Variants in PRKN observed in about 807,000 individuals in gnomAD.
PRKN encodes E3 ubiquitin-protein ligase parkin.
PRKN carries 56 observed loss-of-function variants against 59.5 expected under a neutral mutation model. That is an observed-to-expected ratio of 0.94 (90% CI 0.76 to 1.18). The LOEUF is 1.18. Among genes scored for constraint, PRKN ranks in the 50% most tolerant of loss-of-function variants. The pLI, the probability that PRKN is intolerant of heterozygous loss-of-function variation, is 0.00. For missense variants in PRKN, 657 were observed against 596.4 expected, an observed-to-expected ratio of 1.10 and a Z score of -1.06; for synonymous variants, 250 against 222.1, an observed-to-expected ratio of 1.13 and a Z score of -1.12.
chr6:162,136,695 G>A (rs1781574345), intron 4 of PRKN, among the ~76,000 whole-genome samples: 3 of 152,172 alleles, frequency 2.0e-5, no homozygotes, highest in Admixed American at 2.0e-4. Flanking sequence ...TCATCACTGT[G>A]ATCAGCTGAA....
intron 9 of PRKN, among the ~76,000 whole-genome samples, chr6:161,394,903 T>C (rs1480150127): frequency 6.6e-6 from 1 of 152,260 alleles, no homozygotes; most frequent in Non-Finnish European, 1.5e-5. Flanking sequence ...TTTTGATTTT[T>C]ACCATAACTT....
At chr6:161,558,331 G>A (rs1466804076) in intron 8 of PRKN, among the ~76,000 whole-genome samples, 5 of 152,054 alleles carry the variant, frequency 3.3e-5, no homozygotes, top group African/African-American at 4.8e-5. Flanking sequence ...GGAGGCTGAC[G>A]TGGGAGGATC....
At chr6:161,642,350 T>C (rs1490704975) in intron 7 of PRKN, among the ~76,000 whole-genome samples, 2 of 152,202 alleles carry the variant, frequency 1.3e-5, no homozygotes, top group African/African-American at 4.8e-5. Flanking sequence ...TAGATATAGA[T>C]ATTTGATGCC....
At chr6:161,920,130 T>A (rs1025763822) in intron 6 of PRKN, among the ~76,000 whole-genome samples, 4 of 152,216 alleles carry the variant, frequency 2.6e-5, no homozygotes, top group African/African-American at 9.6e-5. Context: ...ACGCCTATAA[T>A]CCCAGCACTT....
chr6:162,269,718 T>C (rs969431014), intron 2 of PRKN: 5 of 152,322 alleles, frequency 3.3e-5, no homozygotes, highest in Non-Finnish European at 5.9e-5. Flanking sequence ...TATTTCCTCA[T>C]ACAAAATGCT....
chr6:162,357,913 A>T (rs930354612), intron 2 of PRKN, among the ~76,000 whole-genome samples: 2 of 152,174 alleles, frequency 1.3e-5, no homozygotes, highest in African/African-American at 2.4e-5. Flanking sequence ...CAGGGGAAGG[A>T]GGGAGAGATG....
intron 1 of PRKN, among the ~76,000 whole-genome samples, chr6:162,475,535 A>T (rs904855324): frequency 6.6e-6 from 1 of 152,100 alleles, no homozygotes; most frequent in African/African-American, 2.4e-5. Context: ...AGGTACATGC[A>T]TGTATGCATG....
chr6:161,408,788 T>A (rs1787393592), intron 9 of PRKN, among the ~76,000 whole-genome samples: 1 of 152,036 alleles, frequency 6.6e-6, no homozygotes, highest in Non-Finnish European at 1.5e-5. Flanking sequence ...CAATGACATC[T>A]CTTTTCATTA....
chr6:162,701,469 C>T (rs186281187), intron 1 of PRKN, among the ~76,000 whole-genome samples: 121 of 150,290 alleles, frequency 8.1e-4, no homozygotes, highest in Non-Finnish European at 1.4e-3. Flanking sequence ...ATTTGAGATG[C>T]ATTGCAAAAA....
intron 1 of PRKN, among the ~76,000 whole-genome samples, chr6:162,554,598 G>A (rs9347661): frequency 0.3 from 45,230 of 151,854 alleles, 7,161 homozygotes; most frequent in East Asian, 0.49. Context: ...AGGTGGCGGG[G>A]GGCAGGAGGT....
chr6:162,639,218 C>T (rs1296045332), intron 1 of PRKN, among the ~76,000 whole-genome samples: 1 of 152,118 alleles, frequency 6.6e-6, no homozygotes, highest in Non-Finnish European at 1.5e-5. Context: ...TTAGGATTCT[C>T]CACAGTCAAT....
At chr6:162,444,259 T>C (rs1052111172) in intron 1 of PRKN, among the ~76,000 whole-genome samples, 5 of 152,014 alleles carry the variant, frequency 3.3e-5, no homozygotes, top group African/African-American at 1.2e-4. Flanking sequence ...AGTCTCATAA[T>C]AGCCCCCAAC....
At chr6:161,917,230 C>T (rs1429440532) in intron 6 of PRKN, among the ~76,000 whole-genome samples, 6 of 152,098 alleles carry the variant, frequency 3.9e-5, no homozygotes, top group South Asian at 2.1e-4. Context: ...CTCAGCCTCC[C>T]GAGTAGCTGG....
chr6:162,576,292 C>T (rs1780552371), intron 1 of PRKN, among the ~76,000 whole-genome samples: 1 of 152,096 alleles, frequency 6.6e-6, no homozygotes, highest in Admixed American at 6.6e-5. Flanking sequence ...CAGTTAGACA[C>T]AATTATTAAT....
intron 1 of PRKN, among the ~76,000 whole-genome samples, chr6:162,564,045 G>T (rs1422979953): frequency 6.6e-6 from 1 of 151,936 alleles, no homozygotes. Context: ...GCCTTAAAAG[G>T]GTAAATCTAA....
At chr6:162,622,025 C>T (rs939763321) in intron 1 of PRKN, among the ~76,000 whole-genome samples, 1 of 152,008 alleles carries the variant, frequency 6.6e-6, no homozygotes, top group Non-Finnish European at 1.5e-5. Flanking sequence ...GTTGGCCAGG[C>T]TTGTCTTGAA....
chr6:162,648,089 T>C (rs1248883987), intron 1 of PRKN, among the ~76,000 whole-genome samples: 1 of 150,792 alleles, frequency 6.6e-6, no homozygotes, highest in Non-Finnish European at 1.5e-5. Flanking sequence ...TCAACAAATA[T>C]CTGAGGAAAG....
chr6:162,709,011 T>C (rs1778433178), intron 1 of PRKN, among the ~76,000 whole-genome samples: 3 of 152,148 alleles, frequency 2.0e-5, no homozygotes, highest in South Asian at 2.1e-4. Flanking sequence ...GCGTGAACCC[T>C]ATTGTGAACT....
intron 7 of PRKN, among the ~76,000 whole-genome samples, chr6:161,666,487 C>T (rs1450219664): frequency 1.3e-5 from 2 of 152,098 alleles, no homozygotes; most frequent in African/African-American, 4.8e-5. Context: ...TCCCTGGTGC[C>T]AAAAAGGTTA....
Sources: allele counts gnomAD v4.1 joint callset (sites outside exome capture counted in the v4.1 genomes callset), GRCh38; gene constraint gnomAD v4.1.1; transcripts MANE v1.5; gene names NCBI Gene and HGNC (gene_info 2026-07-23, HGNC 2026-07-21).